RARS2: variants seen among roughly 807,000 people sequenced by gnomAD.
RARS2 encodes arginyl-tRNA synthetase 2, mitochondrial.
Under a neutral mutation model 88.5 loss-of-function variants are expected in RARS2, and 67 were observed. The ratio of observed to expected loss-of-function variants is 0.76; its 90% CI spans 0.62 to 0.93. The LOEUF (loss-of-function observed/expected upper bound fraction) is 0.93, where lower values mean the gene tolerates loss of function less well. Ranked by LOEUF, RARS2 falls within the 40% of genes least tolerant of loss-of-function variation. RARS2 has a pLI of 0.00. For synonymous variants in RARS2, 239 were observed against 230.3 expected, an observed-to-expected ratio of 1.04 and a Z score of -0.34; for missense variants, 664 against 684.2, an observed-to-expected ratio of 0.97 and a Z score of 0.33.
Position 87,586,316 on chromosome 6 carries a change from T to C in RARS2, c.36+3606A>G, listed in dbSNP as rs573113552. ...AAGGAATCCAAATATTGTGATTCTA[T>C]GTACATATCATGCTTTCCAGATGTC... is the stretch of plus-strand genomic sequence containing the variant. On this transcript the variant is annotated intron_variant, in intron 1 of 19. Transcript: ENST00000369536. 5.3e-5 allele frequency among the ~76,000 whole-genome samples: 8 copies of C among 152,338 alleles called. No individual in the cohort carries two copies. In the East Asian group the frequency reaches 1.4e-3, roughly 26 times the overall value.
rs1270632154 is a variant in RARS2, at chr6:87,529,665, A to G, written c.772-17T>C. The G allele has an allele frequency of 1.3e-6, 2 of 1,530,788 alleles. No homozygotes were observed. Among genetic ancestry groups the G allele is most frequent in the Non-Finnish European group, 1.8e-6 (2 of 1,104,600 alleles). 94.8% of individuals were successfully genotyped at this position (1,530,788 alleles called of 1,614,324 possible). On this transcript the variant is annotated splice_polypyrimidine_tract_variant and intron_variant, in intron 9 of 19. Transcript: ENST00000369536. Reference sequence around the variant, plus strand: ...TCCCAGACGCTAAAAGAGTTCAGAAACAAAAAGACAAAGAAATGTTAATTG... The same window carrying G: ...TCCCAGACGCTAAAAGAGTTCAGAAGCAAAAAGACAAAGAAATGTTAATTG...
intron 4 of RARS2, 66 bp downstream of exon 4, chr6:87,562,636 G>C (rs1788183302): frequency 8.1e-7 from 1 of 1,232,200 alleles, no homozygotes; most frequent in East Asian, 2.3e-5. Context: ...AAAAACTGGA[G>C]GAAGACCACT....
rs200705632 is a variant in RARS2 at position 87,555,363 on chromosome 6, C to T, written c.395+45G>A. The T allele has an allele frequency of 6.2e-6, 9 of 1,444,846 alleles. No homozygotes were observed. In the East Asian group the frequency reaches 1.6e-4, roughly 26 times the overall value. The allele number at this position is 1,444,846 out of a possible 1,614,324, so 89.5% of individuals were successfully genotyped here. A position where few individuals can be genotyped will look rare whatever the true frequency, so the allele number is the denominator to read the frequency against. On this transcript the variant is annotated intron_variant, in intron 5 of 19. Coordinates refer to ENST00000369536, the MANE Select transcript of RARS2 (RefSeq NM_020320.5). ...AATGATGGTAATAACACTCCTCTGC[C>T]CAGTCAACTTGATTAAGCAACACAT...
chr6:87,522,333 T>TAA (rs34710568), intron 11 of RARS2, among the ~76,000 whole-genome samples: 2,083 of 88,594 alleles, frequency 0.024, 71 homozygotes, highest in African/African-American at 0.073. Flanking sequence ...CCGTCTCAAT[T>TAA]AAAAAAAAAA....
At chr6:87,520,743 C>T (rs2128012524) in intron 12 of RARS2, among the ~76,000 whole-genome samples, 2 of 152,262 alleles carry the variant, frequency 1.3e-5, no homozygotes, top group Admixed American at 1.3e-4. Context: ...GTGAAAAAAG[C>T]CAATCTCAAA....
chr6:87,515,086 G>C (rs1771120760), intron 18 of RARS2, 66 bp from the exon 19 acceptor site: 2 of 1,190,396 alleles, frequency 1.7e-6, no homozygotes, highest in Non-Finnish European at 2.5e-6. Context: ...ATATGAGCTT[G>C]ATATCTAATC....
chr6:87,555,325 A>G (rs1652376535), intron 5 of RARS2, 83 bp downstream of exon 5: 8 of 1,045,412 alleles, frequency 7.7e-6, no homozygotes, highest in Non-Finnish European at 1.2e-5. Flanking sequence ...GTTATTTATT[A>G]AGACCCCCAA....
intron 1 of RARS2, among the ~76,000 whole-genome samples, chr6:87,577,061 T>A (rs16879572): frequency 6.6e-6 from 1 of 152,226 alleles, no homozygotes; most frequent in Admixed American, 6.5e-5. Context: ...CACAGGAAGA[T>A]TGGAAAATTT....
At chr6:87,583,157 T>C (rs115698595) in intron 1 of RARS2, among the ~76,000 whole-genome samples, 6 of 152,222 alleles carry the variant, frequency 3.9e-5, no homozygotes, top group Non-Finnish European at 1.5e-5. Context: ...GAAAAAGTTA[T>C]ACAGAACGAT....
Position 87,576,555 on chromosome 6 carries a change from C to T in RARS2, c.37-6965G>A, listed in dbSNP as rs146299696. On this transcript the variant is annotated intron_variant, in intron 1 of 19. Coordinates refer to ENST00000369536, the MANE Select transcript of RARS2 (RefSeq NM_020320.5). Reference sequence around the variant, plus strand: ...CCTCCCAAAGTGCTGGGATTACAGGCGTGAGCCACCGCGCCCGGCCAACAC... The same window carrying T: ...CCTCCCAAAGTGCTGGGATTACAGGTGTGAGCCACCGCGCCCGGCCAACAC... 9.0e-3 allele frequency among the ~76,000 whole-genome samples: 1,356 copies of T among 151,016 alleles called. 23 individuals carry two copies. Among genetic ancestry groups the T allele is most frequent in the African/African-American group, 0.031 (1,257 of 41,084 alleles).
chr6:87,589,499 G>A (rs1189580698), intron 1 of RARS2, among the ~76,000 whole-genome samples: 1 of 152,160 alleles, frequency 6.6e-6, no homozygotes, highest in Non-Finnish European at 1.5e-5. Flanking sequence ...TTCTAGGGTA[G>A]GCTGCCTAAG....
chr6:87,542,661 G>GAAAAAA (rs10628110), intron 7 of RARS2, among the ~76,000 whole-genome samples: 13 of 134,568 alleles, frequency 9.7e-5, no homozygotes, highest in Non-Finnish European at 1.3e-4. Context: ...AAAAAAAAAA[G>GAAAAAA]AAAAAAAAAA....
chr6:87,539,875 C>T (rs1780372882), intron 8 of RARS2, among the ~76,000 whole-genome samples: 1 of 152,126 alleles, frequency 6.6e-6, no homozygotes, highest in Admixed American at 6.5e-5. Context: ...CATATAACAT[C>T]TGTGGGCCTG....
At chr6:87,573,745 A>C (rs1471807425) in intron 1 of RARS2, among the ~76,000 whole-genome samples, 1 of 152,226 alleles carries the variant, frequency 6.6e-6, no homozygotes, top group East Asian at 1.9e-4. Context: ...GTGAAATGAA[A>C]GCTTCTTCAC....
chr6:87,523,224 A>G (rs1774537312), intron 11 of RARS2, among the ~76,000 whole-genome samples: 1 of 152,192 alleles, frequency 6.6e-6, no homozygotes, highest in Non-Finnish European at 1.5e-5. Flanking sequence ...AGTTTGTAGA[A>G]ACTGAATTTC....
At chr6:87,527,198 ACTTG>A (rs1453699401) in intron 10 of RARS2, among the ~76,000 whole-genome samples, 2 of 152,032 alleles carry the variant, frequency 1.3e-5, no homozygotes, top group Non-Finnish European at 2.9e-5. Flanking sequence ...AATCCCAGCT[ACTTG>A]GGAGGCTGAG....
intron 12 of RARS2, 106 bp downstream of exon 12, chr6:87,521,358 T>C: frequency 2.3e-6 from 2 of 884,600 alleles, no homozygotes; most frequent in Admixed American, 4.0e-5. Context: ...TACTTAATGT[T>C]GACTTCTCTC....
At chr6:87,580,677 T>G (rs1039567615) in intron 1 of RARS2, among the ~76,000 whole-genome samples, 1 of 151,754 alleles carries the variant, frequency 6.6e-6, no homozygotes, top group African/African-American at 2.4e-5. Flanking sequence ...CCCAGGGTGG[T>G]CTTGAACTGG....
At chr6:87,589,801 G>T in intron 1 of RARS2, 121 bp downstream of exon 1, 1 of 1,606,618 alleles carries the variant, frequency 6.2e-7, no homozygotes. Context: ...GGAGGTGGTA[G>T]AAACTAACAG....
Sources: allele counts gnomAD v4.1 joint callset (sites outside exome capture counted in the v4.1 genomes callset), GRCh38; gene constraint gnomAD v4.1.1; transcripts MANE v1.5; gene names NCBI Gene and HGNC (gene_info 2026-07-23, HGNC 2026-07-21).